The following SLX9 variants were observed in gnomAD, a reference collection of about 807,000 sequenced individuals.
The protein encoded by SLX9 is SLX9 ribosome biogenesis factor, also known as ribosome biogenesis protein SLX9 homolog.
In SLX9, 19 loss-of-function variants were observed where a neutral mutation model predicts 20.8. The observed-to-expected ratio is 0.91, with a 90% confidence interval of 0.64 to 1.34. SLX9 has a LOEUF of 1.34. SLX9 is among the 40% of genes most tolerant of loss of function. The pLI, the probability that SLX9 is intolerant of heterozygous loss-of-function variation, is 0.00. For missense variants in SLX9, 299 were observed against 322.2 expected (o/e 0.93, Z 0.55); for synonymous variants, 113 against 137.1 (o/e 0.82, Z 1.23).
At chr21:44,971,342 C>T (rs55859454) in intron 4 of SLX9, among the ~76,000 whole-genome samples, 33,891 of 151,784 alleles carry the variant, frequency 0.22, 4,651 homozygotes, top group African/African-American at 0.38. Flanking sequence ...TGACGGTAAC[C>T]GCCCAGCACT....
intron 2 of SLX9, among the ~76,000 whole-genome samples, chr21:44,951,680 C>T (rs146792989): frequency 6.6e-4 from 101 of 152,268 alleles, no homozygotes; most frequent in African/African-American, 2.4e-3. Context: ...GCCGCCCGAG[C>T]GCGCTGTGTG....
chr21:44,973,021 G>C, intron 4 of SLX9, 176 bp from the exon 5 acceptor site: 1 of 716,526 alleles, frequency 1.4e-6, no homozygotes, highest in Non-Finnish European at 2.4e-6. Context: ...TGCACTGCTT[G>C]TCCAGGTCTC....
At chr21:44,955,416 C>T (rs747836544) in intron 2 of SLX9, among the ~76,000 whole-genome samples, 70 of 152,220 alleles carry the variant, frequency 4.6e-4, no homozygotes, top group Non-Finnish European at 6.6e-4. Flanking sequence ...ACTGCCTCTA[C>T]GTGAAGTTGT....
rs182450857 is a variant in SLX9 at position 44,940,346 on chromosome 21, C to G, written c.129+160C>G. ...GCGACCTTCTTGCTTCGCGAAGCGTCGTAAACTCCGAGGCTCCGCTCTGCG... is the reference window on the plus strand; with the variant it reads ...GCGACCTTCTTGCTTCGCGAAGCGTGGTAAACTCCGAGGCTCCGCTCTGCG... On this transcript the variant is annotated intron_variant, in intron 1 of 5. Coordinates refer to ENST00000291634, the MANE Select transcript of SLX9 (RefSeq NM_058190.4). Among the ~76,000 whole-genome samples the G allele has an allele frequency of 8.9e-4, 135 of 152,356 alleles. No homozygotes were observed. In the Middle Eastern group the frequency reaches 0.01, roughly 12 times the overall value.
intron 3 of SLX9, among the ~76,000 whole-genome samples, chr21:44,966,699 C>T (rs891363726): frequency 1.3e-5 from 2 of 152,176 alleles, no homozygotes; most frequent in Admixed American, 6.5e-5. Flanking sequence ...TTCCTCATTC[C>T]CCTCTGTCCC....
chr21:44,949,910 G>A (rs552101150), intron 2 of SLX9, among the ~76,000 whole-genome samples: 434 of 152,286 alleles, frequency 2.8e-3, no homozygotes, highest in Non-Finnish European at 4.7e-3. Flanking sequence ...CTTCCTGGCC[G>A]TCCCTCTGCC....
At chr21:44,942,068 A>G (rs73906955) in intron 1 of SLX9, among the ~76,000 whole-genome samples, 3,740 of 152,354 alleles carry the variant, frequency 0.025, 168 homozygotes, top group African/African-American at 0.086. Flanking sequence ...GTCTTGGCTC[A>G]TTGAAACCTG....
chr21:44,968,988 C>T (rs1410736499), intron 4 of SLX9: 4 of 369,730 alleles, frequency 1.1e-5, no homozygotes, highest in East Asian at 7.7e-5. Flanking sequence ...CTCCTGACCT[C>T]GTGATCCAGC....
intron 3 of SLX9, among the ~76,000 whole-genome samples, chr21:44,962,442 C>T (rs565498106): frequency 1.3e-5 from 2 of 152,350 alleles, no homozygotes; most frequent in South Asian, 4.1e-4. Context: ...ACTCTTTCTG[C>T]ATCTGGCTGC....
Position 44,976,932 on chromosome 21 carries a change from A to G in SLX9, c.*129A>G. Reference sequence around the variant, plus strand: ...TCTGGTCGGTTGTGGGGCTCAATAAATGGCTCTGTGAACTTCCCCTGCACT... The same window carrying G: ...TCTGGTCGGTTGTGGGGCTCAATAAGTGGCTCTGTGAACTTCCCCTGCACT... On this transcript the variant is annotated 3_prime_UTR_variant, in exon 6 of 6. Coordinates refer to ENST00000291634, the MANE Select transcript of SLX9 (RefSeq NM_058190.4). 3 of 1,319,012 alleles carry G rather than the reference A, an allele frequency of 2.3e-6. No homozygotes were observed. The highest frequency in any genetic ancestry group is 1.3e-5 in the South Asian group (1 of 75,928). 81.7% of individuals were successfully genotyped at this position (1,319,012 alleles called of 1,614,324 possible). A position where few individuals can be genotyped will look rare whatever the true frequency, so the allele number is the denominator to read the frequency against.
intron 4 of SLX9, 176 bp from the exon 5 acceptor site, chr21:44,973,021 G>A: frequency 1.4e-6 from 1 of 716,532 alleles, no homozygotes; most frequent in Non-Finnish European, 2.4e-6. Context: ...TGCACTGCTT[G>A]TCCAGGTCTC....
intron 2 of SLX9, among the ~76,000 whole-genome samples, chr21:44,958,758 G>C (rs1317727064): frequency 1.3e-5 from 2 of 152,200 alleles, no homozygotes; most frequent in Non-Finnish European, 2.9e-5. Context: ...AGCATTCCAA[G>C]CCCTCTCCTC....
intron 2 of SLX9, among the ~76,000 whole-genome samples, chr21:44,957,302 C>T (rs1381616705): frequency 6.6e-6 from 1 of 152,214 alleles, no homozygotes; most frequent in Non-Finnish European, 1.5e-5. Flanking sequence ...TTGAGTCCTC[C>T]TCAGAGTGCC....
At chr21:44,941,487 G>C (rs999101951) in intron 1 of SLX9, among the ~76,000 whole-genome samples, 12 of 150,730 alleles carry the variant, frequency 8.0e-5, no homozygotes, top group Non-Finnish European at 1.8e-4. Context: ...TTCTCTTTTA[G>C]CCTGGCTAGT....
At chr21:44,966,864 C>T (rs1210526493) in intron 3 of SLX9, among the ~76,000 whole-genome samples, 170 bp from the exon 4 acceptor site, 1 of 152,230 alleles carries the variant, frequency 6.6e-6, no homozygotes, top group Non-Finnish European at 1.5e-5. Context: ...AAGAAAATAA[C>T]TCAAGCCTGC....
chr21:44,959,330 TC>T, intron 2 of SLX9: 2 of 927,316 alleles, frequency 2.2e-6, no homozygotes, highest in Non-Finnish European at 2.6e-6. Flanking sequence ...TCTCGGGAAA[TC>T]AGTTAAGGCC....
intron 2 of SLX9, among the ~76,000 whole-genome samples, chr21:44,953,251 T>C (rs1218411731): frequency 6.6e-6 from 1 of 152,238 alleles, no homozygotes; most frequent in Non-Finnish European, 1.5e-5. Context: ...CCTGTCATGT[T>C]CAGGGGCCCT....
intron 2 of SLX9, among the ~76,000 whole-genome samples, chr21:44,955,601 G>A (rs1028660327): frequency 1.3e-5 from 2 of 151,972 alleles, no homozygotes; most frequent in African/African-American, 4.8e-5. Flanking sequence ...CTGCAGCTTC[G>A]ACCTCCTGGG....
chr21:44,955,162 CGTG>C (rs2084831957), intron 2 of SLX9, among the ~76,000 whole-genome samples: 1 of 150,238 alleles, frequency 6.7e-6, no homozygotes, highest in South Asian at 2.1e-4. Context: ...ATTGCAAGAT[CGTG>C]CCACTGCGCT....
Sources: gnomAD v4.1 joint callset for allele counts (sites outside exome capture counted in the v4.1 genomes callset) on GRCh38, gnomAD v4.1.1 for gene constraint, MANE v1.5 for transcripts, NCBI Gene and HGNC (gene_info 2026-07-23, HGNC 2026-07-21) for gene names.